The following PRMT7 variants were observed in gnomAD, a reference collection of about 807,000 sequenced individuals.
PRMT7 encodes protein arginine N-methyltransferase 7.
A neutral mutation model predicts 85.4 loss-of-function variants in PRMT7; 75 were observed. The observed-to-expected ratio is 0.88, with a 90% CI of 0.73 to 1.06. PRMT7 has a LOEUF of 1.06. Among genes scored for constraint, PRMT7 ranks in the 50% least tolerant of loss-of-function variants. The pLI is 0.00. For synonymous variants in PRMT7, 397 were observed against 359.5 expected (o/e 1.10, Z -1.18); for missense variants, 868 against 915.2 (o/e 0.95, Z 0.67).
At chr16:68,356,530 T>C (rs1422316119) in intron 17 of PRMT7, among the ~76,000 whole-genome samples, 171 bp from the exon 18 acceptor site, 1 of 152,224 alleles carries the variant, frequency 6.6e-6, no homozygotes, top group Non-Finnish European at 1.5e-5. Flanking sequence ...GCGGCTCTTC[T>C]GGCTGGGGTT....
intron 9 of PRMT7, among the ~76,000 whole-genome samples, chr16:68,340,555 T>C (rs567436440): frequency 6.7e-6 from 1 of 149,242 alleles, no homozygotes; most frequent in East Asian, 2.0e-4. Flanking sequence ...CACTCCCGCC[T>C]GGGCAATAAG....
Position 68,329,182 on chromosome 16 carries a change from T to G in PRMT7, c.391+8T>G, listed in dbSNP as rs1335361414. 2 of 1,547,844 alleles carry G rather than the reference T, an allele frequency of 1.3e-6. No homozygotes were observed. Among genetic ancestry groups the G allele is most frequent in the East Asian group, 4.5e-5 (2 of 44,502 alleles). ...AGGTGACTGTAGGTCCAGGTGAGAT[T>G]TACACACCCTGTGTTGAAAGCTTTG... On this transcript the variant is annotated splice_region_variant and intron_variant, in intron 6 of 18. Transcript: ENST00000441236.
At chr16:68,318,900 T>C (rs1461200808) in intron 3 of PRMT7, 2 of 152,366 alleles carry the variant, frequency 1.3e-5, no homozygotes, top group Non-Finnish European at 2.9e-5. Context: ...TTTGGAACAC[T>C]CACTGAGAGC....
At chr16:68,328,655 A>G in intron 5 of PRMT7, 1 of 186,512 alleles carries the variant, frequency 5.4e-6, no homozygotes, top group South Asian at 1.1e-4. Flanking sequence ...TGTTCTGCCA[A>G]CAGTGGGGAT....
intron 5 of PRMT7, among the ~76,000 whole-genome samples, chr16:68,325,677 G>A (rs2083025553): frequency 1.3e-5 from 2 of 151,942 alleles, no homozygotes; most frequent in Non-Finnish European, 1.5e-5. Context: ...TGTAATCCCA[G>A]CTACTCAGGA....
At position 68,358,491 on chromosome 16, in the gene PRMT7, A is replaced by G. The variant is rs1295006763; in HGVS notation, c.*1267A>G. On this transcript the variant is annotated 3_prime_UTR_variant, in exon 19 of 19. Coordinates refer to ENST00000441236, the MANE Select transcript of PRMT7 (RefSeq NM_019023.5). ...TATATTTGATAATGTTTTTACCAAA[A>G]CCATAGGTGTGCTTACCATAGAAAA... is the stretch of plus-strand genomic sequence containing the variant. 2 of 152,664 alleles carry G rather than the reference A, an allele frequency of 1.3e-5. No individual in the cohort carries two copies. Among genetic ancestry groups the G allele is most frequent in the African/African-American group, 2.4e-5 (1 of 41,462 alleles). 9.5% of individuals were successfully genotyped at this position (152,664 alleles called of 1,614,324 possible).
chr16:68,344,601 CT>C (rs201729170), intron 9 of PRMT7, among the ~76,000 whole-genome samples: 196 of 150,148 alleles, frequency 1.3e-3, no homozygotes, highest in African/African-American at 4.1e-3. Flanking sequence ...GTGAATATAA[CT>C]TTTTTTTTTC....
intron 18 of PRMT7, 31 bp from the exon 19 acceptor site, chr16:68,357,023 C>A (rs1389872323): frequency 6.3e-7 from 1 of 1,576,840 alleles, no homozygotes; most frequent in South Asian, 1.2e-5. Flanking sequence ...GCCAGGGAGC[C>A]CTCACCATCT....
intron 2 of PRMT7, among the ~76,000 whole-genome samples, chr16:68,314,047 T>C (rs1311203835): frequency 1.3e-5 from 2 of 152,178 alleles, no homozygotes; most frequent in African/African-American, 4.8e-5. Flanking sequence ...TGCAGGTATG[T>C]GTATTGAGTC....
intron 9 of PRMT7, among the ~76,000 whole-genome samples, chr16:68,344,962 ATG>A (rs1464438347): frequency 6.1e-4 from 71 of 116,476 alleles, no homozygotes; most frequent in African/African-American, 1.8e-3. Flanking sequence ...ACACACGGGC[ATG>A]CACATTTTTT....
intron 6 of PRMT7, among the ~76,000 whole-genome samples, chr16:68,330,499 A>G (rs2083715207): frequency 1.3e-5 from 2 of 152,114 alleles, no homozygotes; most frequent in Admixed American, 6.6e-5. Flanking sequence ...ATCATTCTGA[A>G]TTGAAGCTTC....
intron 4 of PRMT7, chr16:68,321,843 G>T: frequency 5.9e-6 from 1 of 168,860 alleles, no homozygotes. Flanking sequence ...ATTAACTATA[G>T]CTCACAATGC....
Position 68,315,922 on chromosome 16 carries a change from A to G in PRMT7, c.-58A>G, listed in dbSNP as rs983873374. 2.1e-6 allele frequency: 3 copies of G among 1,429,954 alleles called. No homozygotes were observed. Among genetic ancestry groups the G allele is most frequent in the Non-Finnish European group, 3.0e-6 (3 of 1,016,174 alleles). 88.6% of individuals were successfully genotyped at this position (1,429,954 alleles called of 1,614,324 possible). A position where few individuals can be genotyped will look rare whatever the true frequency, so the allele number is the denominator to read the frequency against. On this transcript the variant is annotated 5_prime_UTR_variant, in exon 3 of 19. Transcript: ENST00000441236. The stretch of plus-strand genomic sequence containing the variant: ...ATTTCTGACAGTCAGACTTGTCCAC[A>G]AGAACTCAACTGGCAAGGCTGCTTT...
Position 68,316,024 on chromosome 16 carries a change from G to A in PRMT7, c.45G>A (p.Val15=), listed in dbSNP as rs1272373395. 1 of 1,613,654 alleles carries A rather than the reference G, an allele frequency of 6.2e-7. No individual in the cohort carries two copies. Among genetic ancestry groups the A allele is most frequent in the Non-Finnish European group, 8.5e-7 (1 of 1,179,976 alleles). Residue 15 remains valine (V), a synonymous_variant, in exon 3 of 19, where the codon GTG becomes GTA. Coordinates refer to ENST00000441236, the MANE Select transcript of PRMT7 (RefSeq NM_019023.5). ...GGGCCAATCCGACCACGGGGTCTGT[G>A]GAGTGGCTGGAGGAGGATGAACACT... ...CSRANPTTGS[V]EWLEEDEHYD... is the part of the protein sequence containing the mutation.
chr16:68,345,859 C>T, intron 10 of PRMT7, 57 bp downstream of exon 10: 4 of 1,604,344 alleles, frequency 2.5e-6, no homozygotes, highest in South Asian at 1.1e-5. Flanking sequence ...ATGTAAATTC[C>T]CCATTTACAG....
intron 9 of PRMT7, among the ~76,000 whole-genome samples, chr16:68,340,581 TA>T (rs34764923): frequency 0.64 from 90,972 of 142,644 alleles, 28,483 homozygotes; most frequent in East Asian, 0.78. Context: ...AACCTGTCTC[TA>T]AAAAAAAAAA....
At chr16:68,343,378 G>A (rs2085845701) in intron 9 of PRMT7, among the ~76,000 whole-genome samples, 1 of 152,156 alleles carries the variant, frequency 6.6e-6, no homozygotes. Context: ...CAGTAGAGTG[G>A]GTCCTGCCCC....
At chr16:68,344,716 A>G (rs947377809) in intron 9 of PRMT7, among the ~76,000 whole-genome samples, 1 of 152,214 alleles carries the variant, frequency 6.6e-6, no homozygotes, top group African/African-American at 2.4e-5. Context: ...CATGTTTCAC[A>G]ATTTAGAATA....
intron 4 of PRMT7, 164 bp downstream of exon 4, chr16:68,321,626 A>G (rs892920952): frequency 3.3e-6 from 2 of 598,932 alleles, no homozygotes; most frequent in East Asian, 5.8e-5. Context: ...TTCTGGCTCT[A>G]TTTTTGTTGT....
Sources: gnomAD v4.1 joint callset for allele counts (sites outside exome capture counted in the v4.1 genomes callset) on GRCh38, gnomAD v4.1.1 for gene constraint, MANE v1.5 for transcripts, NCBI Gene and HGNC (gene_info 2026-07-23, HGNC 2026-07-21) for gene names.